Variants in NCKAP5 observed in about 807,000 individuals in gnomAD.
The protein encoded by NCKAP5 is NCK associated protein 5.
In NCKAP5, 92 loss-of-function variants were observed where a neutral mutation model predicts 167.0. The observed-to-expected ratio is 0.55, with a 90% confidence interval of 0.47 to 0.66. The LOEUF (loss-of-function observed/expected upper bound fraction) is 0.66. NCKAP5 is among the 30% of genes least tolerant of loss of function. The pLI is 0.00. For missense variants in NCKAP5, 2,378 were observed against 2,315.0 expected (o/e 1.03, Z -0.56); for synonymous variants, 891 against 877.4 (o/e 1.02, Z -0.27).
intron 6 of NCKAP5, among the ~76,000 whole-genome samples, chr2:133,010,589 T>C (rs1226532904): frequency 6.6e-6 from 1 of 152,242 alleles, no homozygotes; most frequent in Admixed American, 6.5e-5. Flanking sequence ...TATGTTCTTC[T>C]TGACCTTGGA....
intron 3 of NCKAP5, among the ~76,000 whole-genome samples, chr2:133,400,792 C>A (rs1207875619): frequency 6.6e-6 from 1 of 152,036 alleles, no homozygotes; most frequent in African/African-American, 2.4e-5. Context: ...AAGTTTGTGG[C>A]CCATATAAAA....
intron 7 of NCKAP5, among the ~76,000 whole-genome samples, chr2:132,990,156 A>G (rs1446916374): frequency 1.3e-5 from 2 of 152,166 alleles, no homozygotes; most frequent in East Asian, 3.9e-4. Context: ...AAGAGACTAA[A>G]AGAGAAGTGG....
intron 15 of NCKAP5, among the ~76,000 whole-genome samples, chr2:132,777,981 G>C (rs1280345776): frequency 6.6e-6 from 1 of 151,956 alleles, no homozygotes; most frequent in African/African-American, 2.4e-5. Flanking sequence ...TTTTGTTAAT[G>C]ATTTTTATTT....
At position 133,475,494 on chromosome 2, in the gene NCKAP5, T is replaced by G. The variant is rs539487766; in HGVS notation, c.69+41964A>C. On this transcript the variant is annotated intron_variant, in intron 3 of 19. Coordinates refer to ENST00000409261, the MANE Select transcript of NCKAP5 (RefSeq NM_207363.3). Reference sequence around the variant, plus strand: ...CAGAAACTTAGATTAACTTCTTTTTTTCTTATTTTCTAATGTAGTATGCCT... The same window carrying G: ...CAGAAACTTAGATTAACTTCTTTTTGTCTTATTTTCTAATGTAGTATGCCT... 2.0e-5 allele frequency among the ~76,000 whole-genome samples: 3 copies of G among 152,364 alleles called. No homozygotes were observed. The East Asian group carries it at 5.8e-4, about 29-fold the overall frequency.
chr2:132,766,278 C>CAA (rs70973405), intron 16 of NCKAP5, among the ~76,000 whole-genome samples: 1,484 of 38,344 alleles, frequency 0.039, 159 homozygotes, highest in East Asian at 0.12. Context: ...GATTCTGTCT[C>CAA]AAAAAAAAAA....
the NCKAP5 span, among the ~76,000 whole-genome samples, chr2:133,626,731 G>A: frequency 6.6e-6 from 1 of 151,994 alleles, no homozygotes; most frequent in Non-Finnish European, 1.5e-5. Context: ...TAACCTGGAA[G>A]TAGTAAGAAA....
intron 11 of NCKAP5, among the ~76,000 whole-genome samples, chr2:132,855,437 A>G (rs1689389870): frequency 6.6e-6 from 1 of 152,146 alleles, no homozygotes; most frequent in Admixed American, 6.5e-5. Context: ...GTGTTTCTAA[A>G]TTAGATATCA....
chr2:133,615,476 C>CA, the NCKAP5 span, among the ~76,000 whole-genome samples: 523 of 149,554 alleles, frequency 3.5e-3, 1 homozygote, highest in Middle Eastern at 6.9e-3. Context: ...AAATGGAAAA[C>CA]AAAAAAAAAG....
intron 3 of NCKAP5, among the ~76,000 whole-genome samples, chr2:133,424,266 C>A (rs573597793): frequency 6.6e-6 from 1 of 152,234 alleles, no homozygotes; most frequent in East Asian, 1.9e-4. Context: ...GCTGTTAATG[C>A]TCTCAATTTT....
chr2:132,932,668 G>T (rs2149062677), intron 8 of NCKAP5, among the ~76,000 whole-genome samples: 1 of 151,990 alleles, frequency 6.6e-6, no homozygotes, highest in African/African-American at 2.4e-5. Flanking sequence ...GCCTAGAAGG[G>T]GTTTACTTTT....
intron 3 of NCKAP5, among the ~76,000 whole-genome samples, chr2:133,410,062 T>C (rs1046907387): frequency 7.2e-5 from 11 of 152,202 alleles, no homozygotes; most frequent in African/African-American, 2.7e-4. Flanking sequence ...TCAAGGTTGC[T>C]TTGATATGCA....
At chr2:133,506,407 A>G (rs1049109753) in intron 3 of NCKAP5, among the ~76,000 whole-genome samples, 2 of 152,184 alleles carry the variant, frequency 1.3e-5, no homozygotes, top group Non-Finnish European at 2.9e-5. Context: ...GCCTCTCCAA[A>G]TCTACCCTTC....
chr2:133,074,136 T>A (rs1159486596), intron 6 of NCKAP5, among the ~76,000 whole-genome samples: 2 of 152,212 alleles, frequency 1.3e-5, no homozygotes, highest in Middle Eastern at 3.2e-3. Context: ...TTCCTTGAAT[T>A]GCAATTCTTT....
intron 19 of NCKAP5, among the ~76,000 whole-genome samples, chr2:132,676,199 A>G (rs1479384386): frequency 1.3e-5 from 2 of 152,150 alleles, no homozygotes; most frequent in Non-Finnish European, 2.9e-5. Flanking sequence ...TCACATTTAA[A>G]GAAAATAACA....
intron 4 of NCKAP5, among the ~76,000 whole-genome samples, chr2:133,296,470 T>G (rs1322194439): frequency 6.6e-6 from 1 of 152,184 alleles, no homozygotes; most frequent in East Asian, 1.9e-4. Flanking sequence ...AGTGAATACT[T>G]GGACATTATC....
intron 6 of NCKAP5, among the ~76,000 whole-genome samples, chr2:133,102,349 A>G (rs1431260639): frequency 6.6e-6 from 1 of 151,896 alleles, no homozygotes; most frequent in Non-Finnish European, 1.5e-5. Context: ...GGGTTTCACC[A>G]TGTTAGCCAG....
chr2:133,658,026 G>A, the NCKAP5 span, among the ~76,000 whole-genome samples: 5 of 152,280 alleles, frequency 3.3e-5, no homozygotes, highest in African/African-American at 1.2e-4. Flanking sequence ...TCATAGGAAG[G>A]TATGGGCAAG....
At chr2:133,265,273 A>G (rs2089136198) in intron 4 of NCKAP5, among the ~76,000 whole-genome samples, 1 of 152,194 alleles carries the variant, frequency 6.6e-6, no homozygotes, top group Non-Finnish European at 1.5e-5. Context: ...CCTCAAGGAT[A>G]AGAAGAGAAA....
At chr2:132,996,717 A>G (rs2077613080) in intron 6 of NCKAP5, among the ~76,000 whole-genome samples, 1 of 152,264 alleles carries the variant, frequency 6.6e-6, no homozygotes, top group Non-Finnish European at 1.5e-5. Context: ...TCTCAACTGT[A>G]GATAAAATAC....
Sources: allele counts gnomAD v4.1 joint callset (sites outside exome capture counted in the v4.1 genomes callset), GRCh38; gene constraint gnomAD v4.1.1; transcripts MANE v1.5; gene names NCBI Gene and HGNC (gene_info 2026-07-23, HGNC 2026-07-21).